TRDMT1: variants seen among roughly 807,000 people sequenced by gnomAD.
TRDMT1 encodes tRNA (cytosine(38)-C(5))-methyltransferase.
A neutral mutation model predicts 51.2 loss-of-function variants in TRDMT1; 49 were observed. The ratio of observed to expected loss-of-function variants is 0.96; its 90% confidence interval spans 0.76 to 1.21. TRDMT1 has a LOEUF of 1.21. Ranked by LOEUF, TRDMT1 falls within the 50% of genes most tolerant of loss-of-function variation. The pLI is 0.00. For synonymous variants in TRDMT1, 187 were observed against 164.6 expected (o/e 1.14, Z -1.04); for missense variants, 534 against 462.3 (o/e 1.16, Z -1.42).
intron 1 of TRDMT1, 78 bp downstream of exon 1, chr10:17,201,471 GTCCGCCCCTTGCGTCTCGCCGC>G: frequency 4.6e-6 from 6 of 1,308,142 alleles, no homozygotes; most frequent in Non-Finnish European, 6.3e-6. Context: ...GCCCCACAGT[GTCCGCCCCTTGCGTCTCGCCGC>G]TCCGCCCCTT....
chr10:17,156,078 T>C (rs1839453042), intron 8 of TRDMT1, among the ~76,000 whole-genome samples: 1 of 152,240 alleles, frequency 6.6e-6, no homozygotes, highest in South Asian at 2.1e-4. Flanking sequence ...TCAGAATGAC[T>C]CTGGTATGGT....
chr10:17,172,382 G>T (rs1842139524), intron 2 of TRDMT1, among the ~76,000 whole-genome samples: 1 of 152,054 alleles, frequency 6.6e-6, no homozygotes, highest in Admixed American at 6.6e-5. Context: ...AGTGGGCCAG[G>T]CACAGTGGCT....
chr10:17,165,729 T>G (rs1841107261), intron 3 of TRDMT1, among the ~76,000 whole-genome samples: 1 of 152,196 alleles, frequency 6.6e-6, no homozygotes. Flanking sequence ...CAGACACTTC[T>G]CAAAAGAAGA....
Position 17,144,931 on chromosome 10 carries a change from A to G in TRDMT1, c.*4109T>C, listed in dbSNP as rs769473720. 1.5e-5 allele frequency: 15 copies of G among 985,270 alleles called. No individual in the cohort carries two copies. Among genetic ancestry groups the G allele is most frequent in the African/African-American group, 1.7e-5 (1 of 57,218 alleles). The allele number at this position is 985,270 out of a possible 1,614,324, so 61.0% of individuals were successfully genotyped here. On this transcript the variant is annotated 3_prime_UTR_variant, in exon 11 of 11. Transcript: ENST00000377799. The stretch of plus-strand genomic sequence containing the variant: ...ACTGAAACTAAAGAACATGTGCAAG[A>G]TGCTTAATGCCTTTTTAAAAAACAT...
intron 1 of TRDMT1, among the ~76,000 whole-genome samples, chr10:17,194,789 C>T (rs895186864): frequency 6.6e-6 from 1 of 151,796 alleles, no homozygotes; most frequent in Non-Finnish European, 1.5e-5. Flanking sequence ...AAAAATTAGC[C>T]AAGCGTGGTC....
chr10:17,168,715 C>G, intron 3 of TRDMT1, 126 bp downstream of exon 3: 1 of 644,510 alleles, frequency 1.6e-6, no homozygotes, highest in South Asian at 2.0e-5. Flanking sequence ...TGTGAGGTTT[C>G]CCTAGCCACA....
chr10:17,138,913 A>C lies in TRDMT1; in HGVS notation c.*10127T>G, dbSNP rs940496949. 2.0e-5 allele frequency among the ~76,000 whole-genome samples: 3 copies of C among 152,228 alleles called. No individual in the cohort carries two copies. Among genetic ancestry groups the C allele is most frequent in the African/African-American group, 7.2e-5 (3 of 41,458 alleles). On this transcript the variant is annotated 3_prime_UTR_variant, in exon 11 of 11. Coordinates refer to ENST00000377799, the MANE Select transcript of TRDMT1 (RefSeq NM_004412.7). ...CATGTATACACACGTGTGCACACAC[A>C]GCTTCCTAATTGTAACTCAAGCAAA...
chr10:17,166,254 G>T (rs1178412847), intron 3 of TRDMT1, among the ~76,000 whole-genome samples: 3 of 151,540 alleles, frequency 2.0e-5, no homozygotes, highest in Admixed American at 2.0e-4. Context: ...ATCATTCTCA[G>T]CAAACTATCA....
At chr10:17,166,082 T>C (rs1389171137) in intron 3 of TRDMT1, among the ~76,000 whole-genome samples, 3 of 152,100 alleles carry the variant, frequency 2.0e-5, no homozygotes, top group African/African-American at 4.8e-5. Context: ...GTATGTTTAT[T>C]GTGGCACTAT....
intron 1 of TRDMT1, among the ~76,000 whole-genome samples, chr10:17,194,985 C>T (rs116257490): frequency 0.016 from 2,331 of 146,892 alleles, 69 homozygotes; most frequent in African/African-American, 0.054. Context: ...GGCAAGGCTG[C>T]GGAGAAAAGG....
intron 3 of TRDMT1, among the ~76,000 whole-genome samples, chr10:17,164,524 T>G (rs1840892730): frequency 6.6e-6 from 1 of 152,178 alleles, no homozygotes; most frequent in South Asian, 2.1e-4. Flanking sequence ...GCCAGGGCAA[T>G]CAGGCAGGAG....
chr10:17,181,510 G>C (rs566909843), intron 1 of TRDMT1, among the ~76,000 whole-genome samples: 1 of 152,236 alleles, frequency 6.6e-6, no homozygotes, highest in Non-Finnish European at 1.5e-5. Flanking sequence ...ACATACAAGA[G>C]AATAAGTGAA....
rs1837617651 is a variant in TRDMT1 at position 17,140,819 on chromosome 10, T to C, written c.*8221A>G. On this transcript the variant is annotated 3_prime_UTR_variant, in exon 11 of 11. Transcript: ENST00000377799. The stretch of plus-strand genomic sequence containing the variant: ...TAACATAACTGCTATCATTATTTTA[T>C]TCCAATCTATTTTTAGATGAATAAT... 6.6e-6 allele frequency among the ~76,000 whole-genome samples: 1 copy of C among 152,252 alleles called. No individual in the cohort carries two copies. Among genetic ancestry groups the C allele is most frequent in the Non-Finnish European group, 1.5e-5 (1 of 68,048 alleles).
intron 3 of TRDMT1, among the ~76,000 whole-genome samples, chr10:17,162,661 G>A (rs1397324671): frequency 6.6e-6 from 1 of 152,130 alleles, no homozygotes; most frequent in Non-Finnish European, 1.5e-5. Context: ...TGGCCAACAT[G>A]GCAAAACTCC....
intron 1 of TRDMT1, among the ~76,000 whole-genome samples, chr10:17,177,349 T>A (rs10752071): frequency 1.3e-5 from 2 of 151,894 alleles, no homozygotes; most frequent in Non-Finnish European, 2.9e-5. Context: ...CTACAGACAC[T>A]TGCCACCACA....
intron 10 of TRDMT1, 71 bp from the exon 11 acceptor site, chr10:17,149,211 T>A: frequency 8.3e-7 from 1 of 1,202,852 alleles, no homozygotes; most frequent in Non-Finnish European, 1.2e-6. Flanking sequence ...GGATGTATCC[T>A]TTAGTAAGGG....
chr10:17,141,158 TTTTA>T lies in TRDMT1; in HGVS notation c.*7878_*7881del, dbSNP rs199839033. The stretch of plus-strand genomic sequence containing the variant: ...CAACGTGTCATTTTTCTCCAGCTGC[TTTTA>T]TTTATTTATTTATTTTTTTGAGACG... On this transcript the variant is annotated 3_prime_UTR_variant, in exon 11 of 11. Coordinates refer to ENST00000377799, the MANE Select transcript of TRDMT1 (RefSeq NM_004412.7). Among the ~76,000 whole-genome samples, 72 of 152,256 alleles carry T rather than the reference TTTTA, an allele frequency of 4.7e-4. 1 individual carries two copies. In the East Asian group the frequency reaches 9.1e-3, roughly 19 times the overall value.
rs1486955558 is a variant in TRDMT1 at position 17,146,018 on chromosome 10, C to T, written c.*3022G>A. The T allele has an allele frequency of 1.0e-6, 1 of 985,318 alleles. No homozygotes were observed. The highest frequency in any genetic ancestry group is 1.2e-6 in the Non-Finnish European group (1 of 829,966). The allele number at this position is 985,318 out of a possible 1,614,324, so 61.0% of individuals were successfully genotyped here. Reference sequence around the variant, plus strand: ...TTCTGCTGAGAACTTCCACCCCTACCAATGCGTTGAATTGCCTGCACTCAT... The same window carrying T: ...TTCTGCTGAGAACTTCCACCCCTACTAATGCGTTGAATTGCCTGCACTCAT... On this transcript the variant is annotated 3_prime_UTR_variant, in exon 11 of 11. Transcript: ENST00000377799.
rs183002336 is a variant in TRDMT1, at chr10:17,143,571, G to A, written c.*5469C>T. On this transcript the variant is annotated 3_prime_UTR_variant, in exon 11 of 11. Coordinates refer to ENST00000377799, the MANE Select transcript of TRDMT1 (RefSeq NM_004412.7). ...AAATAGCAAATATTTTAGTAAAAAC[G>A]ACATTCATGCTGGATTAAATTTAGA... The A allele has an allele frequency of 5.3e-3, 5,199 of 985,366 alleles. 14 individuals carry two copies. The highest frequency in any genetic ancestry group is 5.9e-3 in the Non-Finnish European group (4,871 of 829,920). The allele number at this position is 985,366 out of a possible 1,614,324, so 61.0% of individuals were successfully genotyped here.
Sources: gnomAD v4.1 joint callset for allele counts (sites outside exome capture counted in the v4.1 genomes callset) on GRCh38, gnomAD v4.1.1 for gene constraint, MANE v1.5 for transcripts, NCBI Gene and HGNC (gene_info 2026-07-23, HGNC 2026-07-21) for gene names.